The following ASTN1 variants were observed in gnomAD, a reference collection of about 807,000 sequenced individuals.
The protein encoded by ASTN1 is astrotactin 1, also known as astrotactin-1.
In ASTN1, 41 loss-of-function variants were observed where a neutral mutation model predicts 140.7. The ratio of observed to expected loss-of-function variants is 0.29; its 90% CI spans 0.23 to 0.38. The LOEUF (loss-of-function observed/expected upper bound fraction) is 0.38. Among genes scored for constraint, ASTN1 ranks in the 10% least tolerant of loss-of-function variants. ASTN1 has a pLI of 1.00. For missense variants in ASTN1, 1,479 were observed against 1,678.8 expected (o/e 0.88, Z 2.08); for synonymous variants, 640 against 652.2 (o/e 0.98, Z 0.29).
chr1:176,978,683 TGA>T (rs1673473146), intron 8 of ASTN1, among the ~76,000 whole-genome samples: 2 of 152,122 alleles, frequency 1.3e-5, no homozygotes, highest in South Asian at 4.1e-4. Context: ...CTGAAAAGGC[TGA>T]GTGTTATCTG....
chr1:176,875,898 G>T (rs566181039), intron 21 of ASTN1, among the ~76,000 whole-genome samples: 14 of 152,318 alleles, frequency 9.2e-5, no homozygotes, highest in Admixed American at 8.5e-4. Context: ...TAGAACAGGG[G>T]ATGATGTCAA....
chr1:177,023,598 C>T (rs752810757), intron 6 of ASTN1, 27 bp from the exon 7 acceptor site: 3 of 1,549,002 alleles, frequency 1.9e-6, no homozygotes, highest in South Asian at 2.5e-5. Flanking sequence ...AGGAAGCATG[C>T]CTATATGTGC....
chr1:177,075,146 T>C (rs953210522), intron 1 of ASTN1, among the ~76,000 whole-genome samples: 2 of 152,196 alleles, frequency 1.3e-5, no homozygotes, highest in Admixed American at 6.5e-5. Flanking sequence ...TGATCTTGGC[T>C]CACTGCAACC....
intron 2 of ASTN1, among the ~76,000 whole-genome samples, chr1:177,047,989 G>A (rs1677329631): frequency 6.6e-6 from 1 of 152,210 alleles, no homozygotes; most frequent in Admixed American, 6.5e-5. Context: ...AGATGCCGAT[G>A]AAAATTTCTG....
At chr1:176,859,025 T>C (rs1249086361), downstream of ASTN1, among the ~76,000 whole-genome samples, 1 of 152,258 alleles carries the variant, frequency 6.6e-6, no homozygotes, top group Non-Finnish European at 1.5e-5. Flanking sequence ...ATGAATATTA[T>C]GCAGTTCAAG....
chr1:177,124,667 CTT>C (rs1227635687), intron 1 of ASTN1, among the ~76,000 whole-genome samples: 1 of 152,134 alleles, frequency 6.6e-6, no homozygotes, highest in Non-Finnish European at 1.5e-5. Context: ...AGAAAATTCT[CTT>C]CTTAAAAATC....
intron 8 of ASTN1, among the ~76,000 whole-genome samples, chr1:176,992,760 G>A (rs913745422): frequency 3.9e-5 from 6 of 152,120 alleles, no homozygotes; most frequent in Non-Finnish European, 5.9e-5. Context: ...TGACTCCAGT[G>A]GACCCATCAA....
intron 1 of ASTN1, among the ~76,000 whole-genome samples, chr1:177,094,422 C>T (rs1679924300): frequency 6.6e-6 from 1 of 152,160 alleles, no homozygotes; most frequent in Non-Finnish European, 1.5e-5. Flanking sequence ...GCTCATCTTC[C>T]TCCAGTCCCC....
chr1:177,157,102 T>C (rs571716453), intron 1 of ASTN1, among the ~76,000 whole-genome samples: 142 of 152,172 alleles, frequency 9.3e-4, no homozygotes, highest in Non-Finnish European at 1.5e-3. Flanking sequence ...AAAACAATGT[T>C]AGATAAAAAC....
At chr1:177,049,867 C>T (rs1013047486) in intron 2 of ASTN1, among the ~76,000 whole-genome samples, 4 of 152,006 alleles carry the variant, frequency 2.6e-5, no homozygotes, top group Admixed American at 1.3e-4. Flanking sequence ...CCTCAGAGGC[C>T]GAGGCTGTTC....
intron 2 of ASTN1, among the ~76,000 whole-genome samples, chr1:177,041,180 C>T (rs1256015996): frequency 1.3e-5 from 2 of 152,154 alleles, no homozygotes; most frequent in Non-Finnish European, 2.9e-5. Context: ...TGACCTAGAC[C>T]TCTGCAGTGT....
intron 8 of ASTN1, among the ~76,000 whole-genome samples, chr1:177,004,236 A>C (rs1430719788): frequency 6.6e-6 from 1 of 152,152 alleles, no homozygotes; most frequent in East Asian, 1.9e-4. Flanking sequence ...GACAAAAAAA[A>C]AATACCTAGG....
At chr1:177,039,314 G>A (rs1464925743) in intron 2 of ASTN1, among the ~76,000 whole-genome samples, 1 of 152,220 alleles carries the variant, frequency 6.6e-6, no homozygotes, top group Non-Finnish European at 1.5e-5. Context: ...GAGTTTGGTA[G>A]CTCATGTCTC....
At chr1:176,959,224 G>A (rs969749748) in intron 9 of ASTN1, among the ~76,000 whole-genome samples, 6 of 152,076 alleles carry the variant, frequency 3.9e-5, no homozygotes, top group Non-Finnish European at 8.8e-5. Context: ...TCATTTCAAA[G>A]GCATTCAAAT....
chr1:177,008,007 G>A (rs571352525), intron 8 of ASTN1, among the ~76,000 whole-genome samples: 2 of 152,308 alleles, frequency 1.3e-5, no homozygotes, highest in South Asian at 2.1e-4. Context: ...CAAGGGTTTT[G>A]TGAAAAATCG....
At chr1:176,990,816 T>C (rs1674123331) in intron 8 of ASTN1, among the ~76,000 whole-genome samples, 1 of 152,152 alleles carries the variant, frequency 6.6e-6, no homozygotes, top group South Asian at 2.1e-4. Flanking sequence ...CTAATAAATA[T>C]CAACATCACA....
intron 1 of ASTN1, among the ~76,000 whole-genome samples, chr1:177,137,050 G>A (rs974115173): frequency 3.3e-5 from 5 of 152,116 alleles, no homozygotes; most frequent in African/African-American, 1.2e-4. Flanking sequence ...CAAATGGGAG[G>A]GGGTGGTAAA....
Position 177,164,638 on chromosome 1 carries a change from G to A in ASTN1, c.39C>T (p.Cys13=). The stretch of plus-strand genomic sequence containing the variant: ...TGGCCAGCACCGCCGCCGGCCCCCA[G>A]CAGCAGGCGAGCAGGGCGCAGAGCC... The part of the protein sequence containing the change: ...LAGLCALLAC[C]WGPAAVLATA... The change falls in exon 1 of 23, where the codon TGC becomes TGT. Residue 13 remains cysteine (C), a synonymous_variant. Transcript: ENST00000361833. 1 of 1,606,042 alleles carries A rather than the reference G, an allele frequency of 6.2e-7. No homozygotes were observed. The highest frequency in any genetic ancestry group is 8.5e-7 in the Non-Finnish European group (1 of 1,176,206).
intron 2 of ASTN1, among the ~76,000 whole-genome samples, chr1:177,058,820 C>A (rs1015430465): frequency 1.3e-5 from 2 of 150,408 alleles, no homozygotes; most frequent in East Asian, 2.0e-4. Flanking sequence ...CACAAACATA[C>A]ACAAACAAAC....
Sources: gnomAD v4.1 joint callset for allele counts (sites outside exome capture counted in the v4.1 genomes callset) on GRCh38, gnomAD v4.1.1 for gene constraint, MANE v1.5 for transcripts, NCBI Gene and HGNC (gene_info 2026-07-23, HGNC 2026-07-21) for gene names.